The following NWD1 variants were observed in gnomAD, a reference collection of about 807,000 sequenced individuals.
The protein encoded by NWD1 is NACHT domain- and WD repeat-containing protein 1.
A neutral mutation model predicts 135.1 loss-of-function variants in NWD1; 129 were observed. The ratio of observed to expected loss-of-function variants is 0.96; its 90% CI spans 0.83 to 1.11. NWD1 has a LOEUF of 1.11. Among genes scored for constraint, NWD1 ranks in the 50% least tolerant of loss-of-function variants. The pLI, the probability that NWD1 is intolerant of heterozygous loss-of-function variation, is 0.00. For missense variants in NWD1, 1,740 were observed against 1,851.3 expected (o/e 0.94, Z 1.10); for synonymous variants, 773 against 786.0 (o/e 0.98, Z 0.28).
At chr19:16,726,521 C>A (rs1232772732) in intron 2 of NWD1, among the ~76,000 whole-genome samples, 3 of 151,860 alleles carry the variant, frequency 2.0e-5, no homozygotes, top group African/African-American at 2.4e-5. Context: ...TTCACTGCAA[C>A]CTCCACCTCC....
At chr19:16,764,899 G>A in intron 9 of NWD1, 135 bp from the exon 10 acceptor site, 1 of 956,032 alleles carries the variant, frequency 1.0e-6, no homozygotes, top group Admixed American at 2.3e-5. Context: ...TTACCACAGA[G>A]AATGATCCTG....
intron 4 of NWD1, among the ~76,000 whole-genome samples, chr19:16,740,258 C>T (rs1002985171): frequency 5.3e-5 from 8 of 151,952 alleles, no homozygotes; most frequent in East Asian, 1.9e-4. Flanking sequence ...ATGATTGTAC[C>T]GTGGCACTCT....
chr19:16,812,850 G>C (rs1970966913), intron 18 of NWD1: 1 of 780,852 alleles, frequency 1.3e-6, no homozygotes, highest in African/African-American at 1.7e-5. Flanking sequence ...TGTGCTGGAT[G>C]GTGAGTCATT....
rs138240084 is a variant in NWD1 at position 16,804,019 on chromosome 19, G to A, written c.3737-3567G>A. Among the ~76,000 whole-genome samples the A allele has an allele frequency of 5.8e-3, 887 of 152,226 alleles. 4 individuals are homozygous for A. The highest frequency in any genetic ancestry group is 0.02 in the African/African-American group (836 of 41,546). On this transcript the variant is annotated intron_variant, in intron 17 of 18. Transcript: ENST00000524140. ...GGTAGTTGGCAATCTGGTTGTTTCC[G>A]TTTGGCCTGTTTTAATTCAGGTTAC...
At chr19:16,762,217 T>C in intron 8 of NWD1, 79 bp downstream of exon 8, 1 of 1,362,140 alleles carries the variant, frequency 7.3e-7, no homozygotes, top group African/African-American at 1.5e-5. Context: ...CTTCCCCTTT[T>C]TGCACTCGAA....
chr19:16,725,952 T>A (rs1007251731), intron 2 of NWD1, among the ~76,000 whole-genome samples: 1 of 145,012 alleles, frequency 6.9e-6, no homozygotes, highest in Non-Finnish European at 1.5e-5. Flanking sequence ...ATTGTTTTTT[T>A]TTTGTTTGTT....
At chr19:16,813,787 T>C (rs1970994552) in intron 18 of NWD1, among the ~76,000 whole-genome samples, 1 of 151,178 alleles carries the variant, frequency 6.6e-6, no homozygotes, top group African/African-American at 2.4e-5. Context: ...AGAAGCAGCC[T>C]GTTTTAAGAC....
intron 9 of NWD1, among the ~76,000 whole-genome samples, chr19:16,764,359 C>T (rs1335192933): frequency 9.8e-6 from 1 of 102,028 alleles, no homozygotes. Flanking sequence ...CACCCATCTT[C>T]TGTCCATCCA....
chr19:16,776,806 G>A (rs1381088875), intron 11 of NWD1, among the ~76,000 whole-genome samples: 2 of 147,758 alleles, frequency 1.4e-5, no homozygotes, highest in Admixed American at 6.8e-5. Context: ...GCTGGTCATG[G>A]TGGTATGTGC....
chr19:16,812,265 C>T (rs1327385196), intron 18 of NWD1, among the ~76,000 whole-genome samples: 4 of 151,224 alleles, frequency 2.6e-5, no homozygotes, highest in African/African-American at 9.7e-5. Context: ...GCCGAGATGG[C>T]ATCACTGCAC....
At chr19:16,727,186 C>T (rs779717052) in intron 2 of NWD1, 3 of 152,230 alleles carry the variant, frequency 2.0e-5, no homozygotes, top group Non-Finnish European at 4.4e-5. Context: ...GGCCCCAATG[C>T]CCAGCACTGG....
At chr19:16,724,078 T>C (rs1229989858) in intron 1 of NWD1, among the ~76,000 whole-genome samples, 1 of 152,088 alleles carries the variant, frequency 6.6e-6, no homozygotes, top group Non-Finnish European at 1.5e-5. Context: ...AATGGCAGAG[T>C]CTGTCCTGGG....
intron 12 of NWD1, among the ~76,000 whole-genome samples, chr19:16,780,985 C>T (rs947349776): frequency 2.0e-5 from 3 of 152,108 alleles, no homozygotes; most frequent in South Asian, 2.1e-4. Flanking sequence ...ATGGGAGGAG[C>T]TGCAAAGTCA....
intron 17 of NWD1, among the ~76,000 whole-genome samples, chr19:16,806,605 G>T (rs960240816): frequency 6.6e-6 from 1 of 152,084 alleles, no homozygotes; most frequent in Non-Finnish European, 1.5e-5. Context: ...CAGTTACTTG[G>T]GGGGCTGAGG....
intron 18 of NWD1, 103 bp downstream of exon 18, chr19:16,808,239 G>A (rs1970818071): frequency 9.2e-7 from 1 of 1,085,474 alleles, no homozygotes; most frequent in Admixed American, 2.3e-5. Context: ...CGACCAGGAT[G>A]GGACTGGGGT....
intron 18 of NWD1, among the ~76,000 whole-genome samples, chr19:16,808,573 A>G (rs1431085566): frequency 2.0e-5 from 3 of 151,766 alleles, no homozygotes; most frequent in Non-Finnish European, 4.4e-5. Context: ...AGAAAAGAAA[A>G]GTGAGGCATT....
chr19:16,737,832 G>T (rs575258658), intron 4 of NWD1, among the ~76,000 whole-genome samples: 89 of 152,012 alleles, frequency 5.9e-4, no homozygotes, highest in African/African-American at 2.1e-3. Flanking sequence ...GGGCATGGTG[G>T]CACGTGCCTG....
chr19:16,786,690 G>C, intron 12 of NWD1, among the ~76,000 whole-genome samples: 1 of 152,046 alleles, frequency 6.6e-6, no homozygotes, highest in East Asian at 1.9e-4. Flanking sequence ...GGGATTACAG[G>C]CGCACACCAC....
chr19:16,779,785 T>G (rs533386312), intron 12 of NWD1, among the ~76,000 whole-genome samples: 22 of 151,744 alleles, frequency 1.4e-4, no homozygotes, highest in African/African-American at 5.1e-4. Flanking sequence ...TACAAGCACA[T>G]ACCACTATAC....
Sources: gnomAD v4.1 joint callset for allele counts (sites outside exome capture counted in the v4.1 genomes callset) on GRCh38, gnomAD v4.1.1 for gene constraint, MANE v1.5 for transcripts, NCBI Gene and HGNC (gene_info 2026-07-23, HGNC 2026-07-21) for gene names.